The following GABRG3 variants were observed in gnomAD, a reference collection of about 807,000 sequenced individuals.
GABRG3 encodes the protein gamma-aminobutyric acid type A receptor subunit gamma3.
A neutral mutation model predicts 48.8 loss-of-function variants in GABRG3; 25 were observed. The observed-to-expected ratio is 0.51, with a 90% CI of 0.37 to 0.72. GABRG3 has a LOEUF of 0.72. Among genes scored for constraint, GABRG3 ranks in the 30% least tolerant of loss-of-function variants. GABRG3 has a pLI of 0.00. For missense variants in GABRG3, 394 were observed against 577.9 expected, an observed-to-expected ratio of 0.68 and a Z score of 3.26; for synonymous variants, 227 against 217.6, an observed-to-expected ratio of 1.04 and a Z score of -0.38.
intron 5 of GABRG3, among the ~76,000 whole-genome samples, chr15:27,376,567 C>T (rs1176689697): frequency 6.6e-6 from 1 of 152,208 alleles, no homozygotes; most frequent in Non-Finnish European, 1.5e-5. Context: ...TGTGCCCTCA[C>T]AGGCTCAACA....
chr15:27,093,899 A>G (rs760527948), intron 3 of GABRG3, among the ~76,000 whole-genome samples: 42 of 152,160 alleles, frequency 2.8e-4, no homozygotes, highest in Non-Finnish European at 2.8e-4. Flanking sequence ...GTTTGGTCAG[A>G]ATACCTGGTT....
intron 2 of GABRG3, among the ~76,000 whole-genome samples, chr15:27,009,833 A>T (rs1001181038): frequency 6.6e-6 from 1 of 152,120 alleles, no homozygotes; most frequent in Admixed American, 6.5e-5. Context: ...TAGATTCCTC[A>T]GGCAACTTCT....
intron 3 of GABRG3, among the ~76,000 whole-genome samples, chr15:27,187,052 A>T (rs1888119690): frequency 7.6e-6 from 1 of 132,246 alleles, no homozygotes; most frequent in Admixed American, 8.2e-5. Flanking sequence ...TTATAGTTTG[A>T]GGTCTTACAT....
chr15:27,326,470 A>G (rs6422907), intron 3 of GABRG3, among the ~76,000 whole-genome samples: 15,165 of 152,216 alleles, frequency 0.1, 1,902 homozygotes, highest in African/African-American at 0.29. Context: ...AGAGGCTCCA[A>G]TAGGTCCTGC....
intron 5 of GABRG3, chr15:27,363,159 C>A (rs2140548310): frequency 6.6e-6 from 1 of 152,302 alleles, no homozygotes; most frequent in Non-Finnish European, 1.5e-5. Context: ...AGACCTCCTC[C>A]ACAAACACTG....
chr15:27,525,728 T>G, intron 7 of GABRG3, among the ~76,000 whole-genome samples: 1 of 152,172 alleles, frequency 6.6e-6, no homozygotes, highest in South Asian at 2.1e-4. Context: ...TGGATGTTTA[T>G]TAAAAGAGGA....
intron 3 of GABRG3, among the ~76,000 whole-genome samples, chr15:27,118,861 A>T (rs1381344424): frequency 6.6e-6 from 1 of 152,134 alleles, no homozygotes; most frequent in East Asian, 1.9e-4. Flanking sequence ...GTCAGGTTTG[A>T]TGGAATACAC....
rs540943679 is a variant in GABRG3 at position 27,456,433 on chromosome 15, G to A, written c.575-24217G>A. 1.4e-4 allele frequency among the ~76,000 whole-genome samples: 21 copies of A among 152,292 alleles called. No individual in the cohort carries two copies. The South Asian group carries it at 4.3e-3, about 32-fold the overall frequency. Reference sequence around the variant, plus strand: ...GTGTGAGTCCCCTGGCATCCTTAGTGGCGCTGTGCTTTATTCACACCCCAA... The same window carrying A: ...GTGTGAGTCCCCTGGCATCCTTAGTAGCGCTGTGCTTTATTCACACCCCAA... On this transcript the variant is annotated intron_variant, in intron 5 of 9. Coordinates refer to ENST00000615808, the MANE Select transcript of GABRG3 (RefSeq NM_033223.5).
At chr15:27,190,776 A>G (rs1595575621) in intron 3 of GABRG3, among the ~76,000 whole-genome samples, 3 of 151,744 alleles carry the variant, frequency 2.0e-5, no homozygotes, top group Admixed American at 2.0e-4. Context: ...TAGCTTTTGA[A>G]TGTGTTTGCT....
intron 3 of GABRG3, among the ~76,000 whole-genome samples, chr15:27,212,596 T>C (rs942805106): frequency 2.6e-5 from 4 of 152,220 alleles, no homozygotes; most frequent in Admixed American, 2.6e-4. Flanking sequence ...CGTACCATCT[T>C]AGCCATTTTC....
intron 5 of GABRG3, among the ~76,000 whole-genome samples, chr15:27,413,156 T>G (rs1887846643): frequency 6.6e-6 from 1 of 152,182 alleles, no homozygotes; most frequent in Non-Finnish European, 1.5e-5. Flanking sequence ...CTTTATCCAT[T>G]TTAGCAGTGT....
intron 3 of GABRG3, among the ~76,000 whole-genome samples, chr15:27,150,912 C>G (rs1326838507): frequency 6.6e-6 from 1 of 152,188 alleles, no homozygotes; most frequent in Non-Finnish European, 1.5e-5. Context: ...AGGAGTTCAG[C>G]AGGGATTTTT....
intron 3 of GABRG3, among the ~76,000 whole-genome samples, chr15:27,089,407 T>G (rs1897146958): frequency 6.6e-6 from 1 of 151,642 alleles, no homozygotes; most frequent in South Asian, 2.1e-4. Flanking sequence ...ACCAGAGGCT[T>G]CTTGTCCACA....
chr15:27,454,167 C>T (rs539533924), intron 5 of GABRG3, among the ~76,000 whole-genome samples: 1 of 152,304 alleles, frequency 6.6e-6, no homozygotes, highest in African/African-American at 2.4e-5. Flanking sequence ...ATGTGCCTGT[C>T]TTTAAGATAT....
At chr15:27,399,396 T>C (rs1887414132) in intron 5 of GABRG3, among the ~76,000 whole-genome samples, 1 of 152,182 alleles carries the variant, frequency 6.6e-6, no homozygotes, top group African/African-American at 2.4e-5. Flanking sequence ...GTGCTTAAGA[T>C]GCATAATAAC....
chr15:27,484,981 A>G (rs552596539), intron 6 of GABRG3, among the ~76,000 whole-genome samples: 2 of 152,330 alleles, frequency 1.3e-5, no homozygotes, highest in East Asian at 1.9e-4. Flanking sequence ...ATTTATGTGG[A>G]TGTTATTCCC....
intron 6 of GABRG3, among the ~76,000 whole-genome samples, chr15:27,517,202 C>G (rs185444874): frequency 3.0e-4 from 46 of 152,074 alleles, no homozygotes; most frequent in African/African-American, 1.1e-3. Flanking sequence ...CTGCCTCCTC[C>G]GTCATTGCCA....
intron 7 of GABRG3, among the ~76,000 whole-genome samples, chr15:27,520,757 G>T (rs921379973): frequency 6.0e-5 from 9 of 150,036 alleles, no homozygotes; most frequent in African/African-American, 2.0e-4. Context: ...TTTTTTGAAG[G>T]CAGGTAATAT....
chr15:27,313,254 GTGTGTGTGTATA>G lies in GABRG3; in HGVS notation c.271-13553_271-13542del, dbSNP rs1286730831. On this transcript the variant is annotated intron_variant, in intron 3 of 9. Transcript: ENST00000615808. The stretch of plus-strand genomic sequence containing the variant: ...TATATGTATATATGTGTGTGTGTGT[GTGTGTGTGTATA>G]TATATATATATATATATATATATAT... Among the ~76,000 whole-genome samples the G allele has an allele frequency of 2.9e-3, 183 of 62,504 alleles. 2 individuals are homozygous for G. The highest frequency in any genetic ancestry group is 0.012 in the East Asian group (24 of 1,990). 41.0% of individuals were successfully genotyped at this position (62,504 alleles called of 152,430 possible). A position where few individuals can be genotyped will look rare whatever the true frequency, so the allele number is the denominator to read the frequency against.
Sources: gnomAD v4.1 joint callset for allele counts (sites outside exome capture counted in the v4.1 genomes callset) on GRCh38, gnomAD v4.1.1 for gene constraint, MANE v1.5 for transcripts, NCBI Gene and HGNC (gene_info 2026-07-23, HGNC 2026-07-21) for gene names.